Variants in XRN1 observed in about 807,000 individuals in gnomAD.
XRN1 encodes the protein strand-exchange protein 1 homolog.
In XRN1, 67 loss-of-function variants were observed where a neutral mutation model predicts 222.3. That is an observed-to-expected ratio of 0.30 (90% confidence interval 0.25 to 0.37). XRN1 has a LOEUF of 0.37. XRN1 is among the 10% of genes least tolerant of loss of function. XRN1 has a pLI of 1.00. For synonymous variants in XRN1, 643 were observed against 652.4 expected (o/e 0.99, Z 0.22); for missense variants, 1,707 against 2,000.2 (o/e 0.85, Z 2.80).
intron 25 of XRN1, among the ~76,000 whole-genome samples, chr3:142,372,797 G>A (rs1294962557): frequency 6.6e-6 from 1 of 152,286 alleles, no homozygotes; most frequent in East Asian, 1.9e-4. Flanking sequence ...CAGAATACTG[G>A]CAATCAGTTT....
At chr3:142,331,053 G>C (rs967804322) in intron 36 of XRN1, among the ~76,000 whole-genome samples, 2 of 152,092 alleles carry the variant, frequency 1.3e-5, no homozygotes, top group African/African-American at 2.4e-5. Flanking sequence ...CCTGACCTCA[G>C]GTGATCCACC....
At chr3:142,384,405 A>G in intron 21 of XRN1, 118 bp downstream of exon 21, 1 of 654,978 alleles carries the variant, frequency 1.5e-6, no homozygotes, top group Non-Finnish European at 2.2e-6. Flanking sequence ...ATTAAATGAT[A>G]ATCTCTATTA....
chr3:142,425,689 GA>G lies in XRN1; in HGVS notation c.407-152del. 4.8e-6 allele frequency: 3 copies of G among 628,684 alleles called. No individual in the cohort carries two copies. In the South Asian group the frequency reaches 6.5e-5, roughly 14 times the overall value. The allele number at this position is 628,684 out of a possible 1,614,324, so 38.9% of individuals were successfully genotyped here. ...GGTCAAAAGCTCTCTTGCTTATCCT[GA>G]AAAACAAGTAATGTACTTTTCCCTT... On this transcript the variant is annotated intron_variant, in intron 3 of 40. Transcript: ENST00000392981.
intron 27 of XRN1, among the ~76,000 whole-genome samples, chr3:142,370,185 A>G (rs1029598416): frequency 3.9e-5 from 6 of 152,182 alleles, no homozygotes; most frequent in African/African-American, 1.4e-4. Flanking sequence ...AGGGCATAAA[A>G]TTTAAATACT....
At position 142,446,979 on chromosome 3, in the gene XRN1, G is replaced by A. The variant is rs150600324; in HGVS notation, c.75+891C>T. Among the ~76,000 whole-genome samples the A allele has an allele frequency of 5.1e-3, 781 of 151,954 alleles. 9 individuals carry two copies. Among genetic ancestry groups the A allele is most frequent in the African/African-American group, 0.018 (759 of 41,252 alleles). The stretch of plus-strand genomic sequence containing the variant: ...ATTCAATCAGCTACACAAATTTCAA[G>A]CTTTTTTTCTGTAAAGCATCAGAAA... On this transcript the variant is annotated intron_variant, in intron 1 of 40. Transcript: ENST00000392981.
chr3:142,422,495 G>A, intron 8 of XRN1, 87 bp downstream of exon 8: 2 of 1,359,946 alleles, frequency 1.5e-6, no homozygotes, highest in Non-Finnish European at 2.1e-6. Context: ...TAGCGTGCAT[G>A]CAATAATCTA....
rs1269575655 is a variant in XRN1 at position 142,309,467 on chromosome 3, GCCT to G, written c.*2041_*2043del. The stretch of plus-strand genomic sequence containing the variant: ...TGGAACTCCGGACCTCAAGTGATCC[GCCT>G]GCCTTAGCCTCCCGAAGTGCTGGGA... On this transcript the variant is annotated 3_prime_UTR_variant, in exon 41 of 41. Coordinates refer to ENST00000392981, the MANE Select transcript of XRN1 (RefSeq NM_001282857.2). 1 of 152,186 alleles carries G rather than the reference GCCT, an allele frequency of 6.6e-6. No homozygotes were observed. The highest frequency in any genetic ancestry group is 1.5e-5 in the Non-Finnish European group (1 of 68,072). 9.4% of individuals were successfully genotyped at this position (152,186 alleles called of 1,614,324 possible). A position where few individuals can be genotyped will look rare whatever the true frequency, so the allele number is the denominator to read the frequency against.
At chr3:142,431,868 T>C (rs1479975908) in intron 2 of XRN1, among the ~76,000 whole-genome samples, 2 of 30,768 alleles carry the variant, frequency 6.5e-5, no homozygotes, top group Non-Finnish European at 5.2e-5. Context: ...ATATATAATA[T>C]ATTATATTAT....
chr3:142,405,007 G>A lies in XRN1; in HGVS notation c.1783C>T (p.His595Tyr). The A allele has an allele frequency of 6.2e-7, 1 of 1,613,946 alleles. No individual in the cohort carries two copies. Among genetic ancestry groups the A allele is most frequent in the Non-Finnish European group, 8.5e-7 (1 of 1,179,860 alleles). Residue 595 changes from histidine to tyrosine, a missense_variant, in exon 16 of 41, where the codon CAT (histidine) becomes TAT (tyrosine). Transcript: ENST00000392981. ...LKKEERKRNQ[H>Y]SECLMCWYDR... ...TACCAGCACATTAGGCACTCACTATGTTGGTTTCTTTTCCTCTCTTCCTTT... is the reference window on the plus strand; with the variant it reads ...TACCAGCACATTAGGCACTCACTATATTGGTTTCTTTTCCTCTCTTCCTTT...
chr3:142,321,020 T>C (rs561931651), intron 37 of XRN1, among the ~76,000 whole-genome samples: 79 of 152,020 alleles, frequency 5.2e-4, no homozygotes, highest in Non-Finnish European at 9.6e-4. Context: ...TCATATATTA[T>C]GTTAGTTAGG....
intron 27 of XRN1, 79 bp downstream of exon 27, chr3:142,370,406 A>T: frequency 6.8e-7 from 1 of 1,462,244 alleles, no homozygotes; most frequent in South Asian, 1.3e-5. Context: ...TTTGGTTGAA[A>T]CACAAATGAA....
intron 13 of XRN1, 91 bp downstream of exon 13, chr3:142,417,049 A>T: frequency 1.5e-5 from 12 of 800,470 alleles, no homozygotes; most frequent in Non-Finnish European, 2.3e-5. Flanking sequence ...TACCATAAGT[A>T]GAAATAAAAG....
intron 30 of XRN1, among the ~76,000 whole-genome samples, chr3:142,359,510 A>T (rs1328774207): frequency 1.3e-5 from 2 of 152,004 alleles, no homozygotes; most frequent in East Asian, 3.9e-4. Flanking sequence ...CTCCCTGGTT[A>T]GCTATTATTC....
intron 37 of XRN1, among the ~76,000 whole-genome samples, chr3:142,321,723 TATAA>T (rs1460168074): frequency 2.6e-5 from 4 of 152,224 alleles, no homozygotes; most frequent in Non-Finnish European, 5.9e-5. Context: ...TTTTTGATAC[TATAA>T]ATAGTTTTGA....
At chr3:142,425,385 T>C in intron 4 of XRN1, 44 bp downstream of exon 4, 1 of 1,579,090 alleles carries the variant, frequency 6.3e-7, no homozygotes, top group Non-Finnish European at 8.6e-7. Flanking sequence ...CTTGAGAATA[T>C]TAAATACTTT....
At chr3:142,423,246 T>C (rs2069112287) in intron 6 of XRN1, among the ~76,000 whole-genome samples, 1 of 152,116 alleles carries the variant, frequency 6.6e-6, no homozygotes, top group Non-Finnish European at 1.5e-5. Flanking sequence ...TTTCAACAAA[T>C]AATGCAAGGA....
At chr3:142,341,224 G>A (rs2065984812) in intron 33 of XRN1, among the ~76,000 whole-genome samples, 1 of 152,046 alleles carries the variant, frequency 6.6e-6, no homozygotes, top group South Asian at 2.1e-4. Context: ...TAAGTGTTAA[G>A]TTGCTTAAAA....
At chr3:142,370,050 G>GAAAAAAAA (rs1163944480) in intron 27 of XRN1, among the ~76,000 whole-genome samples, 1 of 69,970 alleles carries the variant, frequency 1.4e-5, no homozygotes. Context: ...CTGTCTCAAA[G>GAAAAAAAA]AAAAAAAAAA....
intron 1 of XRN1, among the ~76,000 whole-genome samples, chr3:142,441,886 T>TTCAA (rs1206936050): frequency 1.3e-5 from 2 of 152,198 alleles, no homozygotes; most frequent in Non-Finnish European, 2.9e-5. Flanking sequence ...CTGACCTCAA[T>TTCAA]TTGTATACTG....
Sources: gnomAD v4.1 joint callset for allele counts (sites outside exome capture counted in the v4.1 genomes callset) on GRCh38, gnomAD v4.1.1 for gene constraint, MANE v1.5 for transcripts, NCBI Gene and HGNC (gene_info 2026-07-23, HGNC 2026-07-21) for gene names.